The following NETO1 variants were observed in gnomAD, a reference collection of about 807,000 sequenced individuals.
NETO1 encodes neuropilin and tolloid-like protein 1.
In NETO1, 26 loss-of-function variants were observed where a neutral mutation model predicts 61.3. The ratio of observed to expected loss-of-function variants is 0.42; its 90% CI spans 0.31 to 0.59. The LOEUF is 0.59. Among genes scored for constraint, NETO1 ranks in the 20% least tolerant of loss-of-function variants. The pLI is 0.12. For synonymous variants in NETO1, 225 were observed against 225.8 expected (o/e 1.00, Z 0.03); for missense variants, 531 against 662.8 (o/e 0.80, Z 2.18).
chr18:72,820,556 G>GT (rs1223677669), intron 4 of NETO1, among the ~76,000 whole-genome samples: 1 of 152,214 alleles, frequency 6.6e-6, no homozygotes, highest in Non-Finnish European at 1.5e-5. Flanking sequence ...ATGGTAAAAG[G>GT]TATCACCTTG....
At chr18:72,772,749 C>A (rs1290062222) in intron 7 of NETO1, among the ~76,000 whole-genome samples, 1 of 27,146 alleles carries the variant, frequency 3.7e-5, no homozygotes, top group South Asian at 2.0e-3. Context: ...ACACATCTCT[C>A]TATATATATC....
chr18:72,752,880 A>T (rs2070669064), intron 8 of NETO1, among the ~76,000 whole-genome samples: 1 of 152,184 alleles, frequency 6.6e-6, no homozygotes, highest in African/African-American at 2.4e-5. Context: ...AACTTCCTGG[A>T]GCCTCAACAG....
At position 72,750,498 on chromosome 18, in the gene NETO1, G is replaced by C. The variant is rs761262271; in HGVS notation, c.1105C>G (p.Arg369Gly). 4 of 1,614,022 alleles carry C rather than the reference G, an allele frequency of 2.5e-6. No homozygotes were observed. In the South Asian group the frequency reaches 3.3e-5, roughly 13 times the overall value. ...GATTTCCTTTGGACATACTTTTTACGAGGCTGTTTGATCTGTACGATGACA... is the reference window on the plus strand; with the variant it reads ...GATTTCCTTTGGACATACTTTTTACCAGGCTGTTTGATCTGTACGATGACA... The part of the protein sequence containing the change: ...ISVIVQIKQP[R>G]KKYVQRKSDF... The change falls in exon 9 of 11, where the codon CGT (arginine) becomes GGT (glycine). Residue 369 changes from arginine to glycine, a missense_variant. Physicochemically the swap from Arg to Gly is moderately radical, Grantham distance 125. Coordinates refer to ENST00000327305, the MANE Select transcript of NETO1 (RefSeq NM_138966.5).
intron 6 of NETO1, 150 bp from the exon 7 acceptor site, chr18:72,784,056 A>T: frequency 3.2e-6 from 2 of 630,794 alleles, no homozygotes; most frequent in Non-Finnish European, 5.5e-6. Context: ...AAGATGTACG[A>T]TAAGAACAAA....
chr18:72,850,545 T>C (rs1409282256), intron 4 of NETO1, among the ~76,000 whole-genome samples: 1 of 152,236 alleles, frequency 6.6e-6, no homozygotes, highest in Non-Finnish European at 1.5e-5. Flanking sequence ...AATAGACTCG[T>C]CAATATTTTC....
chr18:72,800,739 C>G (rs1274605882), intron 4 of NETO1, among the ~76,000 whole-genome samples: 1 of 152,152 alleles, frequency 6.6e-6, no homozygotes. Flanking sequence ...TCTTGACCCT[C>G]TCTATCTAGG....
intron 3 of NETO1, 30 bp from the exon 4 acceptor site, chr18:72,859,104 G>A: frequency 6.5e-7 from 1 of 1,545,494 alleles, no homozygotes; most frequent in Non-Finnish European, 8.7e-7. Context: ...TGTCTAGGAG[G>A]TCATTTCTTA....
Position 72,783,886 on chromosome 18 carries a change from G to A in NETO1, c.660C>T (p.Asp220=), listed in dbSNP as rs2071825272. The change falls in exon 7 of 11, where the codon GAC becomes GAT. Residue 220 remains aspartate (D), a synonymous_variant. Transcript: ENST00000327305. ...PRSKIYLRFL[D]YEMQNSNECK... ...ACTCATTTGAATTCTGCATCTCATA[G>A]TCCAAGAATCGTAAGTAAATCTATA... 4 of 1,612,766 alleles carry A rather than the reference G, an allele frequency of 2.5e-6. No homozygotes were observed. Among genetic ancestry groups the A allele is most frequent in the Non-Finnish European group, 3.4e-6 (4 of 1,178,818 alleles).
chr18:72,861,994 C>T (rs1222497614), intron 3 of NETO1, among the ~76,000 whole-genome samples: 1 of 152,186 alleles, frequency 6.6e-6, no homozygotes, highest in Non-Finnish European at 1.5e-5. Flanking sequence ...ACCCCATCCA[C>T]TCTGGCTGCT....
At chr18:72,860,906 A>G (rs1200988229) in intron 3 of NETO1, among the ~76,000 whole-genome samples, 1 of 152,226 alleles carries the variant, frequency 6.6e-6, no homozygotes, top group East Asian at 1.9e-4. Flanking sequence ...TATAGTATGT[A>G]TGTACCAGTT....
intron 4 of NETO1, among the ~76,000 whole-genome samples, chr18:72,795,504 T>C (rs1477700768): frequency 6.6e-6 from 1 of 152,214 alleles, no homozygotes; most frequent in Non-Finnish European, 1.5e-5. Flanking sequence ...GAATTTTTAA[T>C]TATTACAAGT....
intron 4 of NETO1, among the ~76,000 whole-genome samples, chr18:72,814,611 G>A (rs1409309305): frequency 6.6e-6 from 1 of 152,064 alleles, no homozygotes; most frequent in African/African-American, 2.4e-5. Flanking sequence ...ATCTAATAAT[G>A]TGTTGCTCCT....
intron 10 of NETO1, among the ~76,000 whole-genome samples, chr18:72,748,689 T>C (rs962945480): frequency 1.3e-5 from 2 of 152,110 alleles, no homozygotes; most frequent in African/African-American, 2.4e-5. Context: ...ACCTTGGTTT[T>C]TTTCGAGTAT....
intron 4 of NETO1, among the ~76,000 whole-genome samples, chr18:72,825,061 A>G (rs554995307): frequency 9.8e-5 from 15 of 152,298 alleles, no homozygotes; most frequent in African/African-American, 3.6e-4. Context: ...AGAAAGACAA[A>G]TCCTAAACAG....
chr18:72,759,978 A>C (rs2145125538), intron 7 of NETO1, among the ~76,000 whole-genome samples: 1 of 152,220 alleles, frequency 6.6e-6, no homozygotes, highest in East Asian at 1.9e-4. Flanking sequence ...CAGAATAGCA[A>C]ATAGAGCTTC....
intron 4 of NETO1, among the ~76,000 whole-genome samples, chr18:72,798,121 G>C (rs1387646179): frequency 6.6e-6 from 1 of 152,146 alleles, no homozygotes. Flanking sequence ...CCAGCTGTGG[G>C]CCACACAGCA....
chr18:72,826,710 T>C lies in NETO1; in HGVS notation c.469+32116A>G, dbSNP rs73471895. On this transcript the variant is annotated intron_variant, in intron 4 of 10. Transcript: ENST00000327305. ...CAACAAGTTACACAAAAAAGTTGAT[T>C]AGGAACACACAGGCATGAAGAGACA... Among the ~76,000 whole-genome samples, 977 of 152,266 alleles carry C rather than the reference T, an allele frequency of 6.4e-3. 6 individuals are homozygous for C. Among genetic ancestry groups the C allele is most frequent in the African/African-American group, 0.022 (904 of 41,554 alleles).
chr18:72,767,298 G>T (rs1160271325), intron 7 of NETO1, among the ~76,000 whole-genome samples: 1 of 152,092 alleles, frequency 6.6e-6, no homozygotes, highest in Non-Finnish European at 1.5e-5. Flanking sequence ...AACCACAATG[G>T]TTGTAAAGCT....
Position 72,858,439 on chromosome 18 carries a change from G to C in NETO1, c.469+387C>G, listed in dbSNP as rs36104988. Among the ~76,000 whole-genome samples the C allele has an allele frequency of 2.9e-3, 447 of 152,226 alleles. 1 individual carries two copies. The highest frequency in any genetic ancestry group is 4.8e-3 in the Non-Finnish European group (329 of 67,996). On this transcript the variant is annotated intron_variant, in intron 4 of 10. Transcript: ENST00000327305. ...CAGAACAAATAAACTTTTGATTCAA[G>C]TTCCCCAAAGATCATTTTGGTGGAT...
Sources: allele counts gnomAD v4.1 joint callset (sites outside exome capture counted in the v4.1 genomes callset), GRCh38; gene constraint gnomAD v4.1.1; transcripts MANE v1.5; gene names NCBI Gene and HGNC (gene_info 2026-07-23, HGNC 2026-07-21).